JAG2: variants seen among roughly 807,000 people sequenced by gnomAD.
JAG2 encodes jagged canonical Notch ligand 2.
Under a neutral mutation model 141.7 loss-of-function variants are expected in JAG2, and 46 were observed. The ratio of observed to expected loss-of-function variants is 0.32; its 90% CI spans 0.26 to 0.42. The LOEUF (loss-of-function observed/expected upper bound fraction) is 0.42, where lower values mean the gene tolerates loss of function less well. Among genes scored for constraint, JAG2 ranks in the 10% least tolerant of loss-of-function variants. The pLI, the probability that JAG2 is intolerant of heterozygous loss-of-function variation, is 1.00. For synonymous variants in JAG2, 862 were observed against 763.5 expected (o/e 1.13, Z -2.13); for missense variants, 1,500 against 1,817.5 (o/e 0.83, Z 3.18).
Position 105,142,507 on chromosome 14 carries a change from C to G in JAG2, c.*188G>C. 1.7e-6 allele frequency: 1 copy of G among 593,214 alleles called. No homozygotes were observed. Among genetic ancestry groups the G allele is most frequent in the Non-Finnish European group, 3.0e-6 (1 of 335,456 alleles). The allele number at this position is 593,214 out of a possible 1,614,324, so 36.7% of individuals were successfully genotyped here. On this transcript the variant is annotated 3_prime_UTR_variant, in exon 26 of 26. Coordinates refer to ENST00000331782, the MANE Select transcript of JAG2 (RefSeq NM_002226.5). ...CTATCCGAGAATACTCCATTGTTTTCAGCCTGACAGTTACTGAATAATTTA... is the reference window on the plus strand; with the variant it reads ...CTATCCGAGAATACTCCATTGTTTTGAGCCTGACAGTTACTGAATAATTTA...
chr14:105,168,409 C>A lies in JAG2; in HGVS notation c.12G>T (p.Gln4His). 1.0e-6 allele frequency: 1 copy of A among 978,410 alleles called. No individual in the cohort carries two copies. Among genetic ancestry groups the A allele is most frequent in the Non-Finnish European group, 1.2e-6 (1 of 807,930 alleles). The allele number at this position is 978,410 out of a possible 1,614,324, so 60.6% of individuals were successfully genotyped here. Reference sequence around the variant, plus strand: ...GCCGCCGGGGAAGGCGCCCCCGGCCCTGCGCCCGCATTGCCCCCGCGACCC... The same window carrying A: ...GCCGCCGGGGAAGGCGCCCCCGGCCATGCGCCCGCATTGCCCCCGCGACCC... MRAQGRGRLPRRLL... is the reference protein window; with the variant it reads MRAHGRGRLPRRLL... Residue 4 changes from glutamine to histidine, a missense_variant, in exon 1 of 26, where the codon CAG becomes CAT. Physicochemically the swap from Gln to His is conservative, Grantham distance 24 (BLOSUM62 0). This residue lies in a region of JAG2 where 200 missense variants were observed against 174.3 expected (regional missense o/e 1.15). Coordinates refer to ENST00000331782, the MANE Select transcript of JAG2 (RefSeq NM_002226.5).
Position 105,143,491 on chromosome 14 carries a change from A to G in JAG2, c.3232T>C (p.Ser1078Pro), listed in dbSNP as rs1472208009. Reference sequence around the variant, plus strand: ...CACCTCCCGCGCTTACCTGTGGAAGAGCCGCCCGTAACAACCGTCTCCACC... The same window carrying G: ...CACCTCCCGCGCTTACCTGTGGAAGGGCCGCCCGTAACAACCGTCTCCACC... ...VKVETVVTGG[S>P]STGLLVPVLC... The change falls in exon 25 of 26, where the codon TCT becomes CCT. Residue 1078 changes from serine to proline, a missense_variant. Transcript: ENST00000331782. 1.9e-6 allele frequency: 3 copies of G among 1,555,910 alleles called. No homozygotes were observed. Among genetic ancestry groups the G allele is most frequent in the African/African-American group, 2.7e-5 (2 of 73,912 alleles).
intron 10 of JAG2, 29 bp from the exon 11 acceptor site, chr14:105,150,940 G>A (rs200795940): frequency 6.9e-6 from 11 of 1,593,390 alleles, no homozygotes; most frequent in East Asian, 2.3e-5. Flanking sequence ...GGTCAGAGGC[G>A]GGGTCCCATG....
intron 2 of JAG2, 174 bp from the exon 3 acceptor site, chr14:105,157,937 C>A: frequency 1.5e-6 from 1 of 678,572 alleles, no homozygotes; most frequent in South Asian, 1.6e-5. Context: ...CTCTGCAGAC[C>A]CAAAAATGAC....
rs200624627 is a variant in JAG2, at chr14:105,143,193, G to A, written c.3242-23C>T. On this transcript the variant is annotated intron_variant, in intron 25 of 25. Transcript: ENST00000331782. Reference sequence around the variant, plus strand: ...GACCTGGGGACCGGGGAGAAGAGCCGGTGGGCAATGAGGCCTGGGCACCTG... The same window carrying A: ...GACCTGGGGACCGGGGAGAAGAGCCAGTGGGCAATGAGGCCTGGGCACCTG... The A allele has an allele frequency of 4.6e-4, 725 of 1,590,058 alleles. 1 individual carries two copies. In the African/African-American group the frequency reaches 6.5e-3, roughly 14 times the overall value.
At position 105,165,275 on chromosome 14, in the gene JAG2, C is replaced by T. The variant is rs118084991; in HGVS notation, c.417+2482G>A. ...GGCCCCAGAGCAAAGCTCCCTGCTG[C>T]CCCCAGCATGACACTACTCCTCCCC... On this transcript the variant is annotated intron_variant, in intron 2 of 25. Transcript: ENST00000331782. 6.5e-4 allele frequency among the ~76,000 whole-genome samples: 99 copies of T among 152,328 alleles called. 1 individual carries two copies. The East Asian group carries it at 0.017, about 26-fold the overall frequency.
At chr14:105,160,398 C>A (rs1349258128) in intron 2 of JAG2, among the ~76,000 whole-genome samples, 1 of 140,702 alleles carries the variant, frequency 7.1e-6, no homozygotes, top group Admixed American at 7.4e-5. Context: ...CCCGGTAACA[C>A]CTGGAGCACC....
chr14:105,167,557 G>GC lies in JAG2; in HGVS notation c.417+199dup, dbSNP rs1888956783. On this transcript the variant is annotated intron_variant, in intron 2 of 25. Coordinates refer to ENST00000331782, the MANE Select transcript of JAG2 (RefSeq NM_002226.5). This position sits in a 1 kb window ranked among gnomAD's most constrained non-coding sequence, Gnocchi z 4.8. ...CCCCGCCGCGACCCCGCTCCCGGTG[G>GC]CCCCGGGGCCCCGGCGCGCCCACGT... 6.8e-6 allele frequency among the ~76,000 whole-genome samples: 1 copy of GC among 146,964 alleles called. No homozygotes were observed. Among genetic ancestry groups the GC allele is most frequent in the South Asian group, 2.1e-4 (1 of 4,814 alleles).
At chr14:105,165,935 G>A (rs374101796) in intron 2 of JAG2, among the ~76,000 whole-genome samples, 37 of 152,346 alleles carry the variant, frequency 2.4e-4, no homozygotes, top group African/African-American at 7.9e-4. Flanking sequence ...AGCATGGCCA[G>A]GGACTGCCGC....
rs2140967177 is a variant in JAG2 at position 105,142,515 on chromosome 14, C to T, written c.*180G>A. 1.7e-6 allele frequency: 1 copy of T among 597,876 alleles called. No homozygotes were observed. The highest frequency in any genetic ancestry group is 3.0e-6 in the Non-Finnish European group (1 of 338,366). The allele number at this position is 597,876 out of a possible 1,614,324, so 37.0% of individuals were successfully genotyped here. On this transcript the variant is annotated 3_prime_UTR_variant, in exon 26 of 26. Coordinates refer to ENST00000331782, the MANE Select transcript of JAG2 (RefSeq NM_002226.5). The stretch of plus-strand genomic sequence containing the variant: ...GAATACTCCATTGTTTTCAGCCTGA[C>T]AGTTACTGAATAATTTATACAAGGT...
rs587775417 is a variant in JAG2 at position 105,142,220 on chromosome 14, C to G, written c.*475G>C. ...CAGCCACAGGTCCCATTGACAGCCA[C>G]GAGTCCCACCGACAGCCACAGGCCA... On this transcript the variant is annotated 3_prime_UTR_variant, in exon 26 of 26. Coordinates refer to ENST00000331782, the MANE Select transcript of JAG2 (RefSeq NM_002226.5). 6.1e-6 allele frequency: 1 copy of G among 165,176 alleles called. No homozygotes were observed. Among genetic ancestry groups the G allele is most frequent in the Non-Finnish European group, 1.3e-5 (1 of 76,228 alleles). The allele number at this position is 165,176 out of a possible 1,614,324, so 10.2% of individuals were successfully genotyped here.
chr14:105,164,734 G>A (rs1418875263), intron 2 of JAG2, among the ~76,000 whole-genome samples: 2 of 152,198 alleles, frequency 1.3e-5, no homozygotes, highest in Non-Finnish European at 2.9e-5. Flanking sequence ...GGAAGGGGAG[G>A]AACTGGACAG....
intron 2 of JAG2, among the ~76,000 whole-genome samples, chr14:105,163,412 AC>A (rs1888815438): frequency 6.6e-6 from 1 of 151,004 alleles, no homozygotes; most frequent in Non-Finnish European, 1.5e-5. Context: ...TCCCCAGCAC[AC>A]CCCCTCTAGG....
At position 105,144,993 on chromosome 14, in the gene JAG2, G is replaced by A; in HGVS notation, c.3021C>T (p.Asp1007=). ...GGTCGCAAAGCAACACCAGCAGGCG[G>A]TCCCGTGCCACAGCCCTTGTGGCTG... ...SLPATRAVAR[D]RLLVLLCDRA... Residue 1007 remains aspartate (D), a synonymous_variant, in exon 24 of 26, where the codon GAC becomes GAT. Coordinates refer to ENST00000331782, the MANE Select transcript of JAG2 (RefSeq NM_002226.5). 6.2e-7 allele frequency: 1 copy of A among 1,609,402 alleles called. No homozygotes were observed.
At chr14:105,144,550 C>T (rs1189009035) in intron 24 of JAG2, among the ~76,000 whole-genome samples, 1 of 152,212 alleles carries the variant, frequency 6.6e-6, no homozygotes, top group Non-Finnish European at 1.5e-5. Context: ...GGTATCCATT[C>T]ACATCTGACA....
intron 22 of JAG2, 139 bp downstream of exon 22, chr14:105,146,246 C>G (rs1252174105): frequency 1.2e-6 from 1 of 843,218 alleles, no homozygotes; most frequent in Admixed American, 2.1e-5. Context: ...GCTGAGCTCT[C>G]GCCTCCCTGG....
chr14:105,165,556 C>T (rs934165172), intron 2 of JAG2, among the ~76,000 whole-genome samples: 2 of 152,200 alleles, frequency 1.3e-5, no homozygotes, highest in African/African-American at 4.8e-5. Context: ...GAGCCCGAGA[C>T]CAGCACAGAT....
chr14:105,151,494 T>C (rs1226558034), intron 8 of JAG2, 98 bp from the exon 9 acceptor site: 3 of 1,377,982 alleles, frequency 2.2e-6, no homozygotes, highest in Non-Finnish European at 3.0e-6. Context: ...CTTCCTGCCA[T>C]TTGTCCTCGC....
Position 105,147,805 on chromosome 14 carries a change from G to T in JAG2, c.2332C>A (p.Arg778=). 3 of 1,549,134 alleles carry T rather than the reference G, an allele frequency of 1.9e-6. No homozygotes were observed. The highest frequency in any genetic ancestry group is 2.6e-6 in the Non-Finnish European group (3 of 1,147,024). ...CAAGTACGACCCTCCCAGCCGTCCC[G>T]GCAGATGCAGGAGAAGGAGGCCCCG... ...GSGASFSCIC[R]DGWEGRTCTH... The change falls in exon 18 of 26, where the codon CGG becomes AGG. Residue 778 remains arginine (R), a synonymous_variant. Transcript: ENST00000331782.
Sources: gnomAD v4.1 joint callset for allele counts (sites outside exome capture counted in the v4.1 genomes callset) on GRCh38, gnomAD v4.1.1 for gene constraint, gnomAD v4.1.1 regional missense constraint, Gnocchi (gnomAD v3.1) non-coding constraint, MANE v1.5 for transcripts, NCBI Gene and HGNC (gene_info 2026-07-23, HGNC 2026-07-21) for gene names.